FANCM: variants seen among roughly 807,000 people sequenced by gnomAD.
The protein encoded by FANCM is FA complementation group M.
FANCM carries 140 observed loss-of-function variants against 199.5 expected under a neutral mutation model. The observed-to-expected ratio is 0.70, with a 90% CI of 0.61 to 0.81. FANCM has a LOEUF of 0.81. Ranked by LOEUF, FANCM falls within the 30% of genes least tolerant of loss-of-function variation. The pLI, the probability that FANCM is intolerant of heterozygous loss-of-function variation, is 0.00. For missense variants in FANCM, 2,410 were observed against 2,421.4 expected, an observed-to-expected ratio of 1.00 and a Z score of 0.10; for synonymous variants, 840 against 836.8, an observed-to-expected ratio of 1.00 and a Z score of -0.07.
intron 6 of FANCM, 82 bp downstream of exon 6, chr14:45,154,134 C>T: frequency 9.5e-7 from 1 of 1,057,236 alleles, no homozygotes; most frequent in Non-Finnish European, 1.4e-6. Flanking sequence ...GGCACAGTGG[C>T]TCATTTCTGT....
intron 5 of FANCM, 81 bp from the exon 6 acceptor site, chr14:45,153,839 A>T: frequency 9.6e-7 from 1 of 1,045,978 alleles, no homozygotes; most frequent in Non-Finnish European, 1.5e-6. Context: ...TGTTACACTG[A>T]CTATGGCCTG....
At chr14:45,140,892 T>C (rs1594755379) in intron 3 of FANCM, among the ~76,000 whole-genome samples, 183 bp downstream of exon 3, 1 of 151,938 alleles carries the variant, frequency 6.6e-6, no homozygotes, top group East Asian at 1.9e-4. Context: ...ATTAAAAAAA[T>C]AGTGAGCATG....
chr14:45,176,200 T>A lies in FANCM; in HGVS notation c.3446T>A (p.Leu1149His). Residue 1149 changes from leucine to histidine, a missense_variant, in exon 14 of 23, where the codon CTT (leucine) becomes CAT (histidine). Leu to His is a moderately conservative substitution (Grantham distance 99). Coordinates refer to ENST00000267430, the MANE Select transcript of FANCM (RefSeq NM_020937.4). The stretch of plus-strand genomic sequence containing the variant: ...AATACAGAGTTCGACGATGTGAGTC[T>A]TTCACCCTTGAACAGTAAAAGCGAA... ...DVNTEFDDVS[L>H]SPLNSKSESL... 1 of 1,614,106 alleles carries A rather than the reference T, an allele frequency of 6.2e-7. No individual in the cohort carries two copies. Among genetic ancestry groups the A allele is most frequent in the Non-Finnish European group, 8.5e-7 (1 of 1,179,980 alleles).
At position 45,170,727 on chromosome 14, in the gene FANCM, A is replaced by G. The variant is rs1402613013; in HGVS notation, c.2141A>G (p.Gln714Arg). 1 of 1,611,716 alleles carries G rather than the reference A, an allele frequency of 6.2e-7. No homozygotes were observed. Among genetic ancestry groups the G allele is most frequent in the Non-Finnish European group, 8.5e-7 (1 of 1,178,102 alleles). The change falls in exon 12 of 23, where the codon CAA becomes CGA. Residue 714 changes from glutamine to arginine, a missense_variant. Physicochemically the swap from Gln to Arg is conservative, Grantham distance 43. Transcript: ENST00000267430. ...CCTCAAGTTCAGTTTTCTTCTTTACAAAATGAGGAAAACAAACCAGTAAGT... is the reference window on the plus strand; with the variant it reads ...CCTCAAGTTCAGTTTTCTTCTTTACGAAATGAGGAAAACAAACCAGTAAGT... ...TLPQVQFSSLQNEENKPAQES... is the reference protein window; with the variant it reads ...TLPQVQFSSLRNEENKPAQES...
intron 9 of FANCM, among the ~76,000 whole-genome samples, chr14:45,159,912 A>G (rs559909892): frequency 6.6e-6 from 1 of 152,082 alleles, no homozygotes; most frequent in African/African-American, 2.4e-5. Flanking sequence ...TTGAGTAGTG[A>G]CTGACAATTA....
intron 9 of FANCM, among the ~76,000 whole-genome samples, chr14:45,160,243 C>G (rs969160492): frequency 9.9e-5 from 15 of 151,752 alleles, no homozygotes; most frequent in Admixed American, 3.9e-4. Context: ...ATCCGCCCGC[C>G]TCAGCCTCCC....
intron 17 of FANCM, among the ~76,000 whole-genome samples, chr14:45,184,674 A>AC (rs1276540734): frequency 0.052 from 7,773 of 150,666 alleles, 734 homozygotes; most frequent in African/African-American, 0.18. Flanking sequence ...AAAAAAAAAA[A>AC]AAAAAGATCA....
intron 13 of FANCM, 46 bp downstream of exon 13, chr14:45,173,256 T>C: frequency 6.6e-7 from 1 of 1,505,718 alleles, no homozygotes; most frequent in Non-Finnish European, 9.2e-7. Context: ...ATAGTAAAAC[T>C]AGAGTACTTA....
chr14:45,200,041 T>G lies in FANCM; in HGVS notation c.*33T>G. 6.6e-7 allele frequency: 1 copy of G among 1,515,850 alleles called. No homozygotes were observed. The highest frequency in any genetic ancestry group is 1.7e-5 in the Admixed American group (1 of 59,254). The allele number at this position is 1,515,850 out of a possible 1,614,324, so 93.9% of individuals were successfully genotyped here. ...GCTCAAGATGGGGTTTTCAAAGACC[T>G]CTCACAATATTAAATGCACTTCAAT... On this transcript the variant is annotated 3_prime_UTR_variant, in exon 23 of 23. Transcript: ENST00000267430.
chr14:45,181,438 T>A lies in FANCM; in HGVS notation c.4231T>A (p.Leu1411Ile). Residue 1411 changes from leucine (L) to isoleucine (I), a missense_variant, in exon 15 of 23, where the codon TTA becomes ATA. Coordinates refer to ENST00000267430, the MANE Select transcript of FANCM (RefSeq NM_020937.4). Reference protein sequence around the residue: ...KSCHSVEDGQLLTSNESEDDE... With the variant: ...KSCHSVEDGQILTSNESEDDE... The stretch of plus-strand genomic sequence containing the variant: ...TAAAAAATAAATTATAGATGGACAA[T>A]TATTAACAAGTAACGAAAGTGAAGA... 2 of 1,561,950 alleles carry A rather than the reference T, an allele frequency of 1.3e-6. No individual in the cohort carries two copies. The highest frequency in any genetic ancestry group is 1.4e-5 in the African/African-American group (1 of 73,898).
At chr14:45,193,334 G>C (rs959719666) in intron 20 of FANCM, among the ~76,000 whole-genome samples, 5 of 152,176 alleles carry the variant, frequency 3.3e-5, no homozygotes, top group Non-Finnish European at 7.4e-5. Context: ...TCCTGCCCAA[G>C]ACTATGGCTG....
intron 20 of FANCM, among the ~76,000 whole-genome samples, chr14:45,192,684 C>A (rs1182136353): frequency 6.6e-6 from 1 of 151,894 alleles, no homozygotes; most frequent in Non-Finnish European, 1.5e-5. Context: ...AAAAAATTAG[C>A]CTGGCATGCT....
At chr14:45,143,096 T>TATC (rs1368092256) in intron 3 of FANCM, among the ~76,000 whole-genome samples, 1 of 152,058 alleles carries the variant, frequency 6.6e-6, no homozygotes, top group Non-Finnish European at 1.5e-5. Context: ...AATACTATTT[T>TATC]ATCAATTTTA....
intron 14 of FANCM, among the ~76,000 whole-genome samples, chr14:45,179,896 A>G (rs1888960097): frequency 6.6e-6 from 1 of 152,094 alleles, no homozygotes; most frequent in South Asian, 2.1e-4. Context: ...AATGATGCCA[A>G]ATTTTCTGGT....
chr14:45,147,923 C>A lies in FANCM; in HGVS notation c.760-914C>A, dbSNP rs1290395084. 2.7e-5 allele frequency among the ~76,000 whole-genome samples: 4 copies of A among 149,148 alleles called. No individual in the cohort carries two copies. In the South Asian group the frequency reaches 8.5e-4, roughly 32 times the overall value. On this transcript the variant is annotated intron_variant, in intron 3 of 22. Transcript: ENST00000267430. ...CCCCCCCCCCAAAAAAAAAGCCGGG[C>A]GTGATGCCTCACACCTGTAATCCCA...
Position 45,176,413 on chromosome 14 carries a change from T to G in FANCM, c.3659T>G (p.Ile1220Ser), listed in dbSNP as rs2139250318. 1.9e-6 allele frequency: 3 copies of G among 1,613,166 alleles called. No homozygotes were observed. Among genetic ancestry groups the G allele is most frequent in the Non-Finnish European group, 1.7e-6 (2 of 1,179,906 alleles). Residue 1220 changes from isoleucine to serine, a missense_variant, in exon 14 of 23, where the codon ATT becomes AGT. Physicochemically the swap from Ile to Ser is moderately radical, Grantham distance 142. Coordinates refer to ENST00000267430, the MANE Select transcript of FANCM (RefSeq NM_020937.4). The stretch of plus-strand genomic sequence containing the variant: ...GAAAAAGTGAAGAATCATGAGGATA[T>G]TTTTGATTGCTCTAGGGATTTATTT... ...QEEKVKNHED[I>S]FDCSRDLFSV...
chr14:45,149,620 G>A (rs1034035659), intron 4 of FANCM, among the ~76,000 whole-genome samples: 3 of 152,020 alleles, frequency 2.0e-5, no homozygotes, highest in Non-Finnish European at 2.9e-5. Flanking sequence ...TTCCTGCCCC[G>A]ACCTCCCAAA....
chr14:45,195,522 CTCT>C, intron 20 of FANCM: 1 of 456,464 alleles, frequency 2.2e-6, no homozygotes, highest in Non-Finnish European at 4.4e-6. Context: ...TGCCCTCTGC[CTCT>C]GCAAAAAGAG....
chr14:45,140,676 G>A lies in FANCM; in HGVS notation c.726G>A (p.Leu242=). The A allele has an allele frequency of 1.2e-6, 2 of 1,602,308 alleles. No individual in the cohort carries two copies. Among genetic ancestry groups the A allele is most frequent in the Non-Finnish European group, 1.7e-6 (2 of 1,170,098 alleles). Residue 242 remains leucine (L), a synonymous_variant, in exon 3 of 23, where the codon TTG becomes TTA. Coordinates refer to ENST00000267430, the MANE Select transcript of FANCM (RefSeq NM_020937.4). ...AATATACAAATCACTTTAGAATCTT[G>A]GCTCTAAGTGCCACACCAGGTAGTG... The part of the protein sequence containing the change: ...LVKYTNHFRI[L]ALSATPGSDI...
Sources: gnomAD v4.1 joint callset for allele counts (sites outside exome capture counted in the v4.1 genomes callset) on GRCh38, gnomAD v4.1.1 for gene constraint, MANE v1.5 for transcripts, NCBI Gene and HGNC (gene_info 2026-07-23, HGNC 2026-07-21) for gene names.